TNFRSF11A: variants seen among roughly 807,000 people sequenced by gnomAD.
TNFRSF11A encodes the protein tumor necrosis factor receptor superfamily member 11A.
A neutral mutation model predicts 55.7 loss-of-function variants in TNFRSF11A; 32 were observed. The observed-to-expected ratio is 0.57, with a 90% confidence interval of 0.43 to 0.77. The LOEUF is 0.77. Ranked by LOEUF, TNFRSF11A falls within the 30% of genes least tolerant of loss-of-function variation. TNFRSF11A has a pLI of 0.00. For synonymous variants in TNFRSF11A, 311 were observed against 331.0 expected, an observed-to-expected ratio of 0.94 and a Z score of 0.65; for missense variants, 753 against 809.8, an observed-to-expected ratio of 0.93 and a Z score of 0.85.
rs146890943 is a variant in TNFRSF11A, at chr18:62,365,978, C to T, written c.731-730C>T. ...GATTACAGGACATTGCCACCATGCCCGGCTAATTTTTGTATTTTTAGTAGA... is the reference window on the plus strand; with the variant it reads ...GATTACAGGACATTGCCACCATGCCTGGCTAATTTTTGTATTTTTAGTAGA... On this transcript the variant is annotated intron_variant, in intron 7 of 9. Coordinates refer to ENST00000586569, the MANE Select transcript of TNFRSF11A (RefSeq NM_003839.4). Among the ~76,000 whole-genome samples, 605 of 152,062 alleles carry T rather than the reference C, an allele frequency of 4.0e-3. 4 individuals are homozygous for T. The highest frequency in any genetic ancestry group is 0.014 in the African/African-American group (576 of 41,484).
rs779099890 is a variant in TNFRSF11A, at chr18:62,349,811, G to A, written c.158-1G>A. 2.5e-6 allele frequency: 4 copies of A among 1,613,682 alleles called. No homozygotes were observed. The South Asian group carries it at 4.4e-5, about 18-fold the overall frequency. ...GCATTTTTCTCCCTCATTTTTTTAA[G>A]GAAAGTACATGTCTTCTAAATGCAC... On this transcript the variant is annotated splice_acceptor_variant, in intron 2 of 9. Transcript: ENST00000586569. LOFTEE classifies it high-confidence loss of function.
At position 62,386,449 on chromosome 18, in the gene TNFRSF11A, G is replaced by A. The variant is rs972489584; in HGVS notation, c.*1415G>A. On this transcript the variant is annotated 3_prime_UTR_variant, in exon 10 of 10. Coordinates refer to ENST00000586569, the MANE Select transcript of TNFRSF11A (RefSeq NM_003839.4). ...TAAGAAAACTTATTATCCTAAAGGT[G>A]CCTTTCTCTTGGCATCATCCCGCTT... is the stretch of plus-strand genomic sequence containing the variant. The A allele has an allele frequency of 6.6e-6, 1 of 152,140 alleles. No homozygotes were observed. The highest frequency in any genetic ancestry group is 1.5e-5 in the Non-Finnish European group (1 of 68,032). 9.4% of individuals were successfully genotyped at this position (152,140 alleles called of 1,614,324 possible).
chr18:62,382,907 A>C (rs1441870034), intron 9 of TNFRSF11A, among the ~76,000 whole-genome samples: 2 of 152,190 alleles, frequency 1.3e-5, no homozygotes, highest in Non-Finnish European at 2.9e-5. Flanking sequence ...TCACTGCTTT[A>C]CCTAATATGT....
chr18:62,351,368 CCAAT>C (rs2046469694), intron 3 of TNFRSF11A, among the ~76,000 whole-genome samples: 1 of 152,228 alleles, frequency 6.6e-6, no homozygotes, highest in African/African-American at 2.4e-5. Context: ...CTCTAGAAGG[CCAAT>C]CAGATTCTGC....
At position 62,325,900 on chromosome 18, in the gene TNFRSF11A, G is replaced by T. The variant is rs1263598039; in HGVS notation, c.75+473G>T. Among the ~76,000 whole-genome samples the T allele has an allele frequency of 6.6e-6, 1 of 152,192 alleles. No individual in the cohort carries two copies. The highest frequency in any genetic ancestry group is 1.5e-5 in the Non-Finnish European group (1 of 68,014). On this transcript the variant is annotated intron_variant, in intron 1 of 9. Transcript: ENST00000586569. The surrounding 1 kb of genome is among the most constrained non-coding windows in gnomAD (Gnocchi z 4.7). ...GATTCCCTCCGTCCCTGAACTGCGGGCTTGCCTTTGCCTCCCCTGAGCCCC... is the reference window on the plus strand; with the variant it reads ...GATTCCCTCCGTCCCTGAACTGCGGTCTTGCCTTTGCCTCCCCTGAGCCCC...
rs116804322 is a variant in TNFRSF11A at position 62,363,898 on chromosome 18, G to A, written c.730+2105G>A. Among the ~76,000 whole-genome samples, 215 of 152,296 alleles carry A rather than the reference G, an allele frequency of 1.4e-3. 1 individual carries two copies. Among genetic ancestry groups the A allele is most frequent in the African/African-American group, 5.0e-3 (208 of 41,580 alleles). On this transcript the variant is annotated intron_variant, in intron 7 of 9. Coordinates refer to ENST00000586569, the MANE Select transcript of TNFRSF11A (RefSeq NM_003839.4). ...ATATGGGCCTACCATTTAGTGAACT[G>A]GATGTCATGACTGTTAGCTCTTCAT...
In TNFRSF11A at chr18:62,384,894, CAGG is replaced by C. The variant is rs1911586004; in HGVS notation, c.1717_1719del (p.Glu573del). On this transcript the variant is annotated inframe_deletion, in exon 10 of 10. Transcript: ENST00000586569. ...TGCGGAGCCCATGGGCCGCCCGGTG[CAGG>C]AGGAGACCCTGGCGCGCCGAGACTC... 6.3e-7 allele frequency: 1 copy of C among 1,585,010 alleles called. No individual in the cohort carries two copies. Among genetic ancestry groups the C allele is most frequent in the African/African-American group, 1.3e-5 (1 of 74,624 alleles).
In TNFRSF11A at chr18:62,385,290, G is replaced by T; in HGVS notation, c.*256G>T. Reference sequence around the variant, plus strand: ...GTCTCCCCTGCCACTCCTCAAACTCGCAGCAGTAATTTGTGGCACTATGAC... The same window carrying T: ...GTCTCCCCTGCCACTCCTCAAACTCTCAGCAGTAATTTGTGGCACTATGAC... On this transcript the variant is annotated 3_prime_UTR_variant, in exon 10 of 10. Transcript: ENST00000586569. 2.7e-6 allele frequency: 1 copy of T among 376,816 alleles called. No homozygotes were observed. The allele number at this position is 376,816 out of a possible 1,614,324, so 23.3% of individuals were successfully genotyped here. A position where few individuals can be genotyped will look rare whatever the true frequency, so the allele number is the denominator to read the frequency against.
At chr18:62,382,682 G>T (rs1911378639) in intron 9 of TNFRSF11A, among the ~76,000 whole-genome samples, 1 of 152,024 alleles carries the variant, frequency 6.6e-6, no homozygotes, top group African/African-American at 2.4e-5. Flanking sequence ...GCTTGCTTCT[G>T]TGCCGCCATT....
At chr18:62,360,421 A>G (rs949787603) in intron 6 of TNFRSF11A, among the ~76,000 whole-genome samples, 2 of 151,458 alleles carry the variant, frequency 1.3e-5, no homozygotes, top group Admixed American at 6.6e-5. Flanking sequence ...TCTATGGAAC[A>G]TGTTGTAGAT....
At chr18:62,357,773 A>C (rs1226026778) in intron 4 of TNFRSF11A, 1 of 222,422 alleles carries the variant, frequency 4.5e-6, no homozygotes, top group Non-Finnish European at 9.1e-6. Context: ...AGGTCAGGAC[A>C]GTGACCTTCA....
chr18:62,372,489 T>C (rs199750434), intron 9 of TNFRSF11A, among the ~76,000 whole-genome samples: 1 of 151,546 alleles, frequency 6.6e-6, no homozygotes, highest in Non-Finnish European at 1.5e-5. Flanking sequence ...TTTTTTTTTT[T>C]ATCTTTTAAA....
chr18:62,342,949 G>A (rs1325864432), intron 1 of TNFRSF11A, among the ~76,000 whole-genome samples: 1 of 152,190 alleles, frequency 6.6e-6, no homozygotes, highest in East Asian at 1.9e-4. Flanking sequence ...GGGTAAGATT[G>A]TCTTATTTAA....
At chr18:62,345,967 G>A (rs1242486653) in intron 1 of TNFRSF11A, among the ~76,000 whole-genome samples, 1 of 152,198 alleles carries the variant, frequency 6.6e-6, no homozygotes, top group Non-Finnish European at 1.5e-5. Context: ...AACATGGAGT[G>A]AATTGTCTAC....
Position 62,386,594 on chromosome 18 carries a change from G to A in TNFRSF11A, c.*1560G>A, listed in dbSNP as rs1911753380. 6.6e-6 allele frequency: 1 copy of A among 152,194 alleles called. No homozygotes were observed. Among genetic ancestry groups the A allele is most frequent in the Non-Finnish European group, 1.5e-5 (1 of 68,040 alleles). The allele number at this position is 152,194 out of a possible 1,614,324, so 9.4% of individuals were successfully genotyped here. ...GGGAAAAGCAAAAATACACAAGCAA[G>A]TTAAAATTAATTTTGCACATCTGGG... On this transcript the variant is annotated 3_prime_UTR_variant, in exon 10 of 10. Coordinates refer to ENST00000586569, the MANE Select transcript of TNFRSF11A (RefSeq NM_003839.4).
Position 62,360,035 on chromosome 18 carries a change from G to C in TNFRSF11A, c.602G>C (p.Arg201Thr). 1 of 1,613,932 alleles carries C rather than the reference G, an allele frequency of 6.2e-7. No homozygotes were observed. ...DAVCSSSLPA[R>T]KPPNEPHVYL... ...GTTTGCAGTTCTTCTCTGCCAGCTA[G>C]AAAACCACCAAATGGTATGTTTAAA... Residue 201 changes from arginine to threonine, a missense_variant, in exon 6 of 10, where the codon AGA (arginine) becomes ACA (threonine). By Grantham distance (71) the Arg-to-Thr change is moderately conservative. Coordinates refer to ENST00000586569, the MANE Select transcript of TNFRSF11A (RefSeq NM_003839.4).
chr18:62,351,590 G>A (rs1162326629), intron 3 of TNFRSF11A, among the ~76,000 whole-genome samples: 3 of 152,160 alleles, frequency 2.0e-5, no homozygotes, highest in Non-Finnish European at 4.4e-5. Flanking sequence ...CATGCTTTAT[G>A]AAGATAAACT....
chr18:62,370,663 C>A (rs934531267), intron 9 of TNFRSF11A, among the ~76,000 whole-genome samples: 6 of 152,142 alleles, frequency 3.9e-5, no homozygotes, highest in African/African-American at 1.4e-4. Flanking sequence ...TAGCAGTTCT[C>A]AGTCAAACAG....
At chr18:62,357,049 C>A (rs1218860097) in intron 4 of TNFRSF11A, among the ~76,000 whole-genome samples, 1 of 152,164 alleles carries the variant, frequency 6.6e-6, no homozygotes, top group Admixed American at 6.5e-5. Context: ...GTCAACTGGG[C>A]TCTTCTTAAT....
Sources: allele counts gnomAD v4.1 joint callset (sites outside exome capture counted in the v4.1 genomes callset), GRCh38; gene constraint gnomAD v4.1.1; non-coding constraint Gnocchi (gnomAD v3.1); transcripts MANE v1.5; gene names NCBI Gene and HGNC (gene_info 2026-07-23, HGNC 2026-07-21).